WWC2: variants seen among roughly 807,000 people sequenced by gnomAD.
WWC2 encodes WW and C2 domain containing 2, also known as protein WWC2.
In WWC2, 101 loss-of-function variants were observed where a neutral mutation model predicts 138.5. The observed-to-expected ratio is 0.73, with a 90% confidence interval of 0.62 to 0.86. The LOEUF (loss-of-function observed/expected upper bound fraction) is 0.86. Ranked by LOEUF, WWC2 falls within the 40% of genes least tolerant of loss-of-function variation. The pLI, the probability that WWC2 is intolerant of heterozygous loss-of-function variation, is 0.00. For missense variants in WWC2, 1,420 were observed against 1,419.4 expected, an observed-to-expected ratio of 1.00 and a Z score of -0.01; for synonymous variants, 558 against 538.4, an observed-to-expected ratio of 1.04 and a Z score of -0.50.
At chr4:183,207,909 A>G (rs764126241) in intron 2 of WWC2, 44 bp from the exon 3 acceptor site, 2 of 1,523,094 alleles carry the variant, frequency 1.3e-6, no homozygotes, top group Non-Finnish European at 1.8e-6. Flanking sequence ...AAGCCGGAAA[A>G]CAAAGTTAAA....
At chr4:183,106,446 T>C (rs1398351929) in intron 1 of WWC2, among the ~76,000 whole-genome samples, 1 of 152,244 alleles carries the variant, frequency 6.6e-6, no homozygotes, top group African/African-American at 2.4e-5. Flanking sequence ...TTATTCATTT[T>C]AACCATTTTG....
At chr4:183,285,872 C>A in intron 19 of WWC2, 95 bp from the exon 20 acceptor site, 1 of 1,131,854 alleles carries the variant, frequency 8.8e-7, no homozygotes, top group Non-Finnish European at 1.3e-6. Context: ...TTAACTATGA[C>A]TACCTGCTTT....
intron 1 of WWC2, among the ~76,000 whole-genome samples, chr4:183,170,568 G>C (rs1483386652): frequency 2.0e-5 from 3 of 152,286 alleles, no homozygotes; most frequent in South Asian, 4.2e-4. Context: ...TGAAACCTGG[G>C]GAGCCTGGGA....
intron 1 of WWC2, among the ~76,000 whole-genome samples, chr4:183,122,935 GA>G (rs1410678541): frequency 6.6e-6 from 1 of 152,200 alleles, no homozygotes; most frequent in African/African-American, 2.4e-5. Flanking sequence ...AGTTTCATTA[GA>G]AGTAAGAGAA....
In WWC2 at chr4:183,319,509, G is replaced by T. The variant is rs1022753063; in HGVS notation, c.*3780G>T. 6.5e-7 allele frequency: 1 copy of T among 1,527,798 alleles called. No individual in the cohort carries two copies. The highest frequency in any genetic ancestry group is 8.8e-7 in the Non-Finnish European group (1 of 1,135,076). 94.6% of individuals were successfully genotyped at this position (1,527,798 alleles called of 1,614,324 possible). On this transcript the variant is annotated 3_prime_UTR_variant, in exon 23 of 23. Coordinates refer to ENST00000403733, the MANE Select transcript of WWC2 (RefSeq NM_024949.6). ...AGAGCGGGACATCCTACCAAATCCA[G>T]TGTTGAGCAAGCGTCTCCTGAACAG...
chr4:183,238,193 C>T (rs1410964079), intron 4 of WWC2, among the ~76,000 whole-genome samples: 1 of 152,142 alleles, frequency 6.6e-6, no homozygotes, highest in Non-Finnish European at 1.5e-5. Flanking sequence ...TGGTCCTGTT[C>T]TCCAGGAAAG....
intron 1 of WWC2, among the ~76,000 whole-genome samples, chr4:183,156,833 C>G (rs768195637): frequency 6.6e-6 from 1 of 152,146 alleles, no homozygotes; most frequent in Non-Finnish European, 1.5e-5. Flanking sequence ...ACCCTTTACC[C>G]AGATTCCTCA....
At chr4:183,161,458 C>T (rs1283810142) in intron 1 of WWC2, among the ~76,000 whole-genome samples, 1 of 152,110 alleles carries the variant, frequency 6.6e-6, no homozygotes, top group African/African-American at 2.4e-5. Flanking sequence ...CGGGAAGTAA[C>T]AGTGAGTAAT....
At chr4:183,248,522 A>C (rs1160467495) in intron 6 of WWC2, among the ~76,000 whole-genome samples, 192 bp from the exon 7 acceptor site, 2 of 152,208 alleles carry the variant, frequency 1.3e-5, no homozygotes, top group South Asian at 2.1e-4. Context: ...CTCGCTTCCA[A>C]AGTCACATGT....
At chr4:183,188,207 T>C (rs1005096581) in intron 1 of WWC2, among the ~76,000 whole-genome samples, 2 of 152,116 alleles carry the variant, frequency 1.3e-5, no homozygotes, top group African/African-American at 4.8e-5. Context: ...AAAATGATCT[T>C]AGGAAGAGAT....
At chr4:183,304,149 T>G (rs1738951111) in intron 21 of WWC2, among the ~76,000 whole-genome samples, 1 of 151,966 alleles carries the variant, frequency 6.6e-6, no homozygotes, top group Non-Finnish European at 1.5e-5. Flanking sequence ...TTAGATCAGT[T>G]AGAGAGGTGA....
intron 1 of WWC2, among the ~76,000 whole-genome samples, chr4:183,139,484 C>T (rs1479432607): frequency 6.6e-6 from 1 of 152,168 alleles, no homozygotes; most frequent in Non-Finnish European, 1.5e-5. Flanking sequence ...TAAATGTCAA[C>T]AGCATTCCAC....
Position 183,317,178 on chromosome 4 carries a change from A to G in WWC2, c.*1449A>G, listed in dbSNP as rs1427246819. The G allele has an allele frequency of 6.6e-6, 1 of 152,108 alleles. No individual in the cohort carries two copies. Among genetic ancestry groups the G allele is most frequent in the East Asian group, 1.9e-4 (1 of 5,202 alleles). The allele number at this position is 152,108 out of a possible 1,614,324, so 9.4% of individuals were successfully genotyped here. A position where few individuals can be genotyped will look rare whatever the true frequency, so the allele number is the denominator to read the frequency against. ...AGGAATGGACCCCTTGAAGAAAAAA[A>G]AAAAAAGTTTTGTTCCTCAGTTAGA... On this transcript the variant is annotated 3_prime_UTR_variant, in exon 23 of 23. Transcript: ENST00000403733.
intron 6 of WWC2, among the ~76,000 whole-genome samples, chr4:183,245,901 T>C (rs890431848): frequency 1.3e-5 from 2 of 152,204 alleles, no homozygotes; most frequent in Admixed American, 6.5e-5. Context: ...CAGCCCAGGA[T>C]ACACAAGGGA....
intron 16 of WWC2, among the ~76,000 whole-genome samples, chr4:183,271,933 G>C (rs1355977132): frequency 1.3e-5 from 2 of 152,112 alleles, no homozygotes; most frequent in Admixed American, 6.5e-5. Flanking sequence ...TTGACCCTCA[G>C]AAGTTGAAGC....
intron 16 of WWC2, 58 bp downstream of exon 16, chr4:183,271,299 TATATGAAAGTA>T: frequency 7.4e-7 from 1 of 1,352,358 alleles, no homozygotes; most frequent in Non-Finnish European, 9.8e-7. Flanking sequence ...ATGAAATACA[TATATGAAAGTA>T]ATATGAAATA....
chr4:183,202,006 G>A (rs1025230272), intron 2 of WWC2, among the ~76,000 whole-genome samples: 1 of 152,178 alleles, frequency 6.6e-6, no homozygotes, highest in African/African-American at 2.4e-5. Flanking sequence ...GGAAGCGCTT[G>A]GGTTGGTTGG....
intron 22 of WWC2, among the ~76,000 whole-genome samples, chr4:183,313,338 T>C (rs979539957): frequency 5.9e-5 from 9 of 152,022 alleles, no homozygotes; most frequent in African/African-American, 2.2e-4. Context: ...GGATGGGTTT[T>C]ATGTAGGGCA....
intron 21 of WWC2, among the ~76,000 whole-genome samples, chr4:183,302,573 G>GT (rs1580166653): frequency 2.8e-5 from 1 of 36,262 alleles, no homozygotes. Flanking sequence ...AAGCACTGCT[G>GT]TTAGCTTAGT....
Sources: allele counts gnomAD v4.1 joint callset (sites outside exome capture counted in the v4.1 genomes callset), GRCh38; gene constraint gnomAD v4.1.1; transcripts MANE v1.5; gene names NCBI Gene and HGNC (gene_info 2026-07-23, HGNC 2026-07-21).